ERC1: variants seen among roughly 807,000 people sequenced by gnomAD.
ERC1 encodes the protein RAB6 interacting protein 2.
ERC1 carries 56 observed loss-of-function variants against 132.0 expected under a neutral mutation model. The observed-to-expected ratio is 0.42, with a 90% CI of 0.34 to 0.53. The LOEUF is 0.53. ERC1 is among the 20% of genes least tolerant of loss of function. The pLI is 0.03. For missense variants in ERC1, 1,202 were observed against 1,349.9 expected (o/e 0.89, Z 1.72); for synonymous variants, 478 against 476.1 (o/e 1.00, Z -0.05).
At chr12:1,255,623 T>TTTG (rs1218406423) in intron 13 of ERC1, among the ~76,000 whole-genome samples, 1,217 of 100,904 alleles carry the variant, frequency 0.012, 126 homozygotes, top group African/African-American at 0.054. Flanking sequence ...TTCCTGGCCT[T>TTTG]TTTTTTTTTT....
At chr12:1,294,718 G>A (rs12317763) in intron 15 of ERC1, among the ~76,000 whole-genome samples, 44,812 of 152,010 alleles carry the variant, frequency 0.29, 6,878 homozygotes, top group Middle Eastern at 0.37. Flanking sequence ...AACCTGATGC[G>A]TTAACCTAAT....
intron 11 of ERC1, among the ~76,000 whole-genome samples, chr12:1,184,690 T>C (rs186743735): frequency 6.6e-6 from 1 of 152,360 alleles, no homozygotes; most frequent in East Asian, 1.9e-4. Flanking sequence ...TGAGATAATA[T>C]CCTCAGAATT....
chr12:1,304,272 C>T (rs2080659146), intron 15 of ERC1, among the ~76,000 whole-genome samples: 1 of 152,220 alleles, frequency 6.6e-6, no homozygotes, highest in African/African-American at 2.4e-5. Flanking sequence ...TTTTTGTCCT[C>T]AGGCTGGTGT....
chr12:1,290,087 C>T lies in ERC1; in HGVS notation c.2780+75C>T, dbSNP rs2079333970. The T allele has an allele frequency of 2.3e-5, 31 of 1,333,958 alleles. No homozygotes were observed. In the South Asian group the frequency reaches 3.8e-4, roughly 17 times the overall value. The allele number at this position is 1,333,958 out of a possible 1,614,324, so 82.6% of individuals were successfully genotyped here. On this transcript the variant is annotated intron_variant, in intron 15 of 18. Transcript: ENST00000360905. The stretch of plus-strand genomic sequence containing the variant: ...TTTTCTCCCTGCATTCATCTTCTGG[C>T]TCTGTGTTTTACCCCAATACACTTA...
intron 16 of ERC1, among the ~76,000 whole-genome samples, chr12:1,395,535 G>A (rs2090459089): frequency 1.3e-5 from 2 of 152,114 alleles, no homozygotes; most frequent in Admixed American, 1.3e-4. Flanking sequence ...CAGCATATGG[G>A]AAAGTGCTAA....
At chr12:1,071,099 T>C (rs1051180318) in intron 2 of ERC1, among the ~76,000 whole-genome samples, 2 of 152,260 alleles carry the variant, frequency 1.3e-5, no homozygotes, top group African/African-American at 4.8e-5. Context: ...TCCAATCTTC[T>C]GTTGATGGAC....
intron 7 of ERC1, among the ~76,000 whole-genome samples, chr12:1,120,128 C>T (rs1299460106): frequency 2.0e-5 from 3 of 152,078 alleles, no homozygotes; most frequent in Admixed American, 6.6e-5. Flanking sequence ...GCTAGGACTA[C>T]AGATGCAGGC....
chr12:1,485,655 A>G (rs527737937), intron 18 of ERC1, among the ~76,000 whole-genome samples: 1 of 152,200 alleles, frequency 6.6e-6, no homozygotes, highest in East Asian at 1.9e-4. Context: ...CAGTAATGTC[A>G]ATCCTTTGTC....
chr12:1,392,212 A>G (rs961182037), intron 16 of ERC1, among the ~76,000 whole-genome samples: 1 of 152,090 alleles, frequency 6.6e-6, no homozygotes, highest in African/African-American at 2.4e-5. Context: ...TGGCTGGGGG[A>G]TTCTTGCCAG....
chr12:1,321,447 T>C (rs954360213), intron 15 of ERC1, among the ~76,000 whole-genome samples: 4 of 152,190 alleles, frequency 2.6e-5, no homozygotes, highest in African/African-American at 9.7e-5. Flanking sequence ...TCAATGATGC[T>C]TTTATTTAAT....
chr12:1,421,811 A>T (rs2092440505), intron 17 of ERC1, among the ~76,000 whole-genome samples: 1 of 151,630 alleles, frequency 6.6e-6, no homozygotes, highest in Non-Finnish European at 1.5e-5. Flanking sequence ...AGGTCAGGAG[A>T]TCGAGACCAT....
intron 16 of ERC1, among the ~76,000 whole-genome samples, chr12:1,394,127 A>G (rs35986018): frequency 0.031 from 4,675 of 149,478 alleles, 141 homozygotes; most frequent in Non-Finnish European, 0.039. Flanking sequence ...TAGGCCGGGC[A>G]CAGTGGCTCA....
chr12:1,246,506 A>G (rs1005084101), intron 13 of ERC1, among the ~76,000 whole-genome samples: 2 of 152,248 alleles, frequency 1.3e-5, no homozygotes, highest in Non-Finnish European at 2.9e-5. Flanking sequence ...GAAAATCACC[A>G]TGAGACAAAC....
intron 1 of ERC1, among the ~76,000 whole-genome samples, chr12:1,005,712 TTAAAA>T (rs902783824): frequency 2.6e-5 from 4 of 152,230 alleles, no homozygotes; most frequent in Admixed American, 2.6e-4. Context: ...CCTGTTATTT[TTAAAA>T]TAAATTAATT....
intron 17 of ERC1, among the ~76,000 whole-genome samples, chr12:1,411,664 A>G (rs1367191831): frequency 6.6e-6 from 1 of 152,174 alleles, no homozygotes; most frequent in Non-Finnish European, 1.5e-5. Context: ...TGTCATCATC[A>G]AGCATGTGAG....
chr12:1,036,187 A>G (rs1969040992), intron 2 of ERC1, among the ~76,000 whole-genome samples: 1 of 151,850 alleles, frequency 6.6e-6, no homozygotes, highest in Non-Finnish European at 1.5e-5. Flanking sequence ...TCTGATTTTT[A>G]TGTTGCTCAT....
At chr12:1,305,344 TA>T (rs2080799050) in intron 15 of ERC1, among the ~76,000 whole-genome samples, 1 of 152,196 alleles carries the variant, frequency 6.6e-6, no homozygotes. Flanking sequence ...TTCATTGGGC[TA>T]GTAAGTAAAG....
intron 8 of ERC1, among the ~76,000 whole-genome samples, chr12:1,148,362 C>T (rs941680955): frequency 3.3e-5 from 5 of 152,028 alleles, no homozygotes; most frequent in Non-Finnish European, 7.4e-5. Flanking sequence ...TCTTACATGG[C>T]AACAGGAGAG....
At chr12:1,340,133 A>G (rs1416930425) in intron 15 of ERC1, among the ~76,000 whole-genome samples, 3 of 152,130 alleles carry the variant, frequency 2.0e-5, no homozygotes, top group Non-Finnish European at 2.9e-5. Context: ...GTTCCCCAGC[A>G]CAGGAGCTAT....
Sources: allele counts gnomAD v4.1 joint callset (sites outside exome capture counted in the v4.1 genomes callset), GRCh38; gene constraint gnomAD v4.1.1; transcripts MANE v1.5; gene names NCBI Gene and HGNC (gene_info 2026-07-23, HGNC 2026-07-21).